ERC2: variants seen among roughly 807,000 people sequenced by gnomAD.
ERC2 encodes ELKS/RAB6-interacting/CAST family member 2, also known as ERC protein 2.
Under a neutral mutation model 114.8 loss-of-function variants are expected in ERC2, and 42 were observed. That is an observed-to-expected ratio of 0.37 (90% CI 0.29 to 0.47). ERC2 has a LOEUF of 0.47. Among genes scored for constraint, ERC2 ranks in the 20% least tolerant of loss-of-function variants. The probability of loss-of-function intolerance (pLI) is 0.99; values close to 1 mark genes in which losing one functional copy is unlikely to be tolerated. For missense variants in ERC2, 939 were observed against 1,150.7 expected, an observed-to-expected ratio of 0.82 and a Z score of 2.66; for synonymous variants, 454 against 425.5, an observed-to-expected ratio of 1.07 and a Z score of -0.82.
chr3:56,359,518 A>C (rs2058867297), intron 2 of ERC2, among the ~76,000 whole-genome samples: 1 of 152,260 alleles, frequency 6.6e-6, no homozygotes, highest in South Asian at 2.1e-4. Flanking sequence ...CCAGTGTACA[A>C]AATAGACATT....
intron 7 of ERC2, among the ~76,000 whole-genome samples, chr3:56,034,755 T>C (rs2074684810): frequency 6.6e-6 from 1 of 151,946 alleles, no homozygotes; most frequent in South Asian, 2.1e-4. Context: ...AAAGGGAAAT[T>C]TAAAAATATA....
chr3:55,635,046 T>A (rs983821065), intron 17 of ERC2, among the ~76,000 whole-genome samples: 2 of 152,114 alleles, frequency 1.3e-5, no homozygotes, highest in African/African-American at 2.4e-5. Context: ...CACACCCAGC[T>A]AATTTTTTAT....
At position 55,736,301 on chromosome 3, in the gene ERC2, T is replaced by G. The variant is rs75687050; in HGVS notation, c.2565-1383A>C. The stretch of plus-strand genomic sequence containing the variant: ...TGAGGGCCTCTGTTCCTCTTCTCCT[T>G]CCTCAATCATTAGGCTCCAGCACAT... On this transcript the variant is annotated intron_variant, in intron 14 of 17. Coordinates refer to ENST00000288221, the MANE Select transcript of ERC2 (RefSeq NM_015576.3). Among the ~76,000 whole-genome samples the G allele has an allele frequency of 3.1e-3, 476 of 152,262 alleles. 4 individuals carry two copies. The highest frequency in any genetic ancestry group is 0.011 in the African/African-American group (462 of 41,546).
chr3:56,228,749 T>C (rs1392287845), intron 3 of ERC2, among the ~76,000 whole-genome samples: 1 of 152,206 alleles, frequency 6.6e-6, no homozygotes, highest in African/African-American at 2.4e-5. Flanking sequence ...CATCAAACTG[T>C]ATGTTTAAGA....
At chr3:55,602,651 G>C (rs561062086) in intron 17 of ERC2, among the ~76,000 whole-genome samples, 2 of 152,078 alleles carry the variant, frequency 1.3e-5, no homozygotes, top group South Asian at 4.1e-4. Flanking sequence ...AGCTATTGTG[G>C]GACATGATGC....
At chr3:56,119,443 A>G (rs2079446636) in intron 6 of ERC2, among the ~76,000 whole-genome samples, 2 of 152,176 alleles carry the variant, frequency 1.3e-5, no homozygotes, top group African/African-American at 4.8e-5. Flanking sequence ...TCTGGCTGGA[A>G]ATGCTGTGCC....
chr3:55,867,213 T>G (rs936017072), intron 14 of ERC2, among the ~76,000 whole-genome samples: 8 of 151,904 alleles, frequency 5.3e-5, no homozygotes, highest in African/African-American at 7.3e-5. Context: ...AAATTTCCTT[T>G]CCTAATTCCC....
At chr3:56,400,729 C>G (rs989472003) in intron 2 of ERC2, among the ~76,000 whole-genome samples, 1 of 152,172 alleles carries the variant, frequency 6.6e-6, no homozygotes, top group Non-Finnish European at 1.5e-5. Flanking sequence ...TAATGAATGA[C>G]TTTGCTAATA....
At chr3:56,371,809 A>C (rs1299511479) in intron 2 of ERC2, among the ~76,000 whole-genome samples, 1 of 152,240 alleles carries the variant, frequency 6.6e-6, no homozygotes, top group African/African-American at 2.4e-5. Flanking sequence ...ATGGGTTACC[A>C]GTATGACTCC....
chr3:56,215,133 C>T (rs1382631749), intron 3 of ERC2, among the ~76,000 whole-genome samples: 1 of 152,140 alleles, frequency 6.6e-6, no homozygotes, highest in African/African-American at 2.4e-5. Flanking sequence ...ATCAAATTCA[C>T]ACATAACAAT....
At chr3:56,227,542 G>A (rs2050331011) in intron 3 of ERC2, among the ~76,000 whole-genome samples, 1 of 151,876 alleles carries the variant, frequency 6.6e-6, no homozygotes, top group Admixed American at 6.6e-5. Flanking sequence ...CTCCCGAACA[G>A]AAGCCCCCCT....
At chr3:56,283,581 AAT>A (rs1445249403) in intron 3 of ERC2, among the ~76,000 whole-genome samples, 1 of 152,224 alleles carries the variant, frequency 6.6e-6, no homozygotes, top group Non-Finnish European at 1.5e-5. Flanking sequence ...TTTACAAATA[AAT>A]CACCTTGCAA....
intron 6 of ERC2, among the ~76,000 whole-genome samples, chr3:56,105,678 G>A (rs2078615260): frequency 6.6e-6 from 1 of 152,164 alleles, no homozygotes; most frequent in African/African-American, 2.4e-5. Flanking sequence ...CAGGTTCACT[G>A]TAGAGAGGCA....
intron 7 of ERC2, among the ~76,000 whole-genome samples, chr3:56,076,661 T>A (rs907297098): frequency 4.6e-5 from 7 of 152,170 alleles, no homozygotes; most frequent in Admixed American, 3.3e-4. Context: ...CAGCCAAAAG[T>A]ATGTTAGTAG....
At chr3:56,338,209 G>T (rs2057936216) in intron 2 of ERC2, among the ~76,000 whole-genome samples, 1 of 152,202 alleles carries the variant, frequency 6.6e-6, no homozygotes, top group Admixed American at 6.5e-5. Context: ...CTTTTAGGTT[G>T]TTTCCTTACT....
intron 14 of ERC2, among the ~76,000 whole-genome samples, chr3:55,838,712 GA>G (rs958199569): frequency 6.6e-6 from 1 of 151,276 alleles, no homozygotes; most frequent in Non-Finnish European, 1.5e-5. Flanking sequence ...TACTGACCAA[GA>G]AAAAAAGGAA....
chr3:56,021,842 G>A (rs572755805), intron 7 of ERC2, among the ~76,000 whole-genome samples: 10 of 152,248 alleles, frequency 6.6e-5, no homozygotes, highest in Admixed American at 2.6e-4. Context: ...CCGTTTCTGC[G>A]TTAGTTTGAT....
chr3:55,816,443 G>C (rs571804954), intron 14 of ERC2, among the ~76,000 whole-genome samples: 1 of 152,200 alleles, frequency 6.6e-6, no homozygotes, highest in Non-Finnish European at 1.5e-5. Context: ...TGGGCATCTT[G>C]AATGAAAGCC....
intron 3 of ERC2, among the ~76,000 whole-genome samples, chr3:56,294,886 A>C (rs1288620420): frequency 6.6e-6 from 1 of 152,204 alleles, no homozygotes; most frequent in Non-Finnish European, 1.5e-5. Context: ...GTGGTTTCCC[A>C]AGCATGTTGG....
Sources: allele counts gnomAD v4.1 joint callset (sites outside exome capture counted in the v4.1 genomes callset), GRCh38; gene constraint gnomAD v4.1.1; transcripts MANE v1.5; gene names NCBI Gene and HGNC (gene_info 2026-07-23, HGNC 2026-07-21).